DGKG: variants seen among roughly 807,000 people sequenced by gnomAD.
DGKG encodes the protein diacylglycerol kinase gamma, also known as DAG kinase gamma.
Under a neutral mutation model 105.3 loss-of-function variants are expected in DGKG, and 78 were observed. The ratio of observed to expected loss-of-function variants is 0.74; its 90% CI spans 0.62 to 0.89. The LOEUF (loss-of-function observed/expected upper bound fraction) is 0.89, where lower values mean the gene tolerates loss of function less well. DGKG is among the 40% of genes least tolerant of loss of function. The probability of loss-of-function intolerance (pLI) is 0.00; values close to 1 mark genes in which losing one functional copy is unlikely to be tolerated. For missense variants in DGKG, 958 were observed against 1,020.1 expected, an observed-to-expected ratio of 0.94 and a Z score of 0.83; for synonymous variants, 346 against 367.1, an observed-to-expected ratio of 0.94 and a Z score of 0.66.
intron 5 of DGKG, among the ~76,000 whole-genome samples, chr3:186,294,619 A>G (rs1723462065): frequency 6.6e-6 from 1 of 151,976 alleles, no homozygotes; most frequent in African/African-American, 2.4e-5. Context: ...CTGGGAGTTT[A>G]AAATCTCAGA....
At chr3:186,283,367 C>T (rs1391447113) in intron 7 of DGKG, among the ~76,000 whole-genome samples, 1 of 152,104 alleles carries the variant, frequency 6.6e-6, no homozygotes, top group Non-Finnish European at 1.5e-5. Flanking sequence ...AGTGAATCTT[C>T]TAACATCCTA....
At chr3:186,173,242 T>TC (rs1428970741) in intron 22 of DGKG, among the ~76,000 whole-genome samples, 4 of 152,220 alleles carry the variant, frequency 2.6e-5, no homozygotes, top group African/African-American at 4.8e-5. Context: ...CACGAATTTT[T>TC]GGGGGACACA....
intron 20 of DGKG, among the ~76,000 whole-genome samples, chr3:186,230,837 G>T (rs1287440067): frequency 6.6e-6 from 1 of 152,208 alleles, no homozygotes; most frequent in African/African-American, 2.4e-5. Context: ...GAGGCAGAAA[G>T]CTCCCATCTG....
intron 19 of DGKG, among the ~76,000 whole-genome samples, chr3:186,249,317 T>C (rs1470885543): frequency 6.6e-6 from 1 of 152,126 alleles, no homozygotes; most frequent in Non-Finnish European, 1.5e-5. Flanking sequence ...CCAGCAATGC[T>C]TCCCTCTTCT....
intron 17 of DGKG, among the ~76,000 whole-genome samples, chr3:186,254,773 C>T (rs1378150503): frequency 6.6e-6 from 1 of 152,174 alleles, no homozygotes; most frequent in Non-Finnish European, 1.5e-5. Flanking sequence ...TAGTGTGTCA[C>T]CCACACTTTC....
intron 20 of DGKG, among the ~76,000 whole-genome samples, chr3:186,220,274 A>G (rs1361815820): frequency 6.6e-6 from 1 of 152,226 alleles, no homozygotes; most frequent in East Asian, 1.9e-4. Context: ...ATGAATAAAA[A>G]TAGTGCACTA....
At chr3:186,156,072 G>T (rs1578598507) in intron 24 of DGKG, among the ~76,000 whole-genome samples, 1 of 151,950 alleles carries the variant, frequency 6.6e-6, no homozygotes, top group South Asian at 2.1e-4. Flanking sequence ...TTGGGATAGC[G>T]ATTGCAAACA....
chr3:186,204,332 G>C (rs1476323408), intron 21 of DGKG, among the ~76,000 whole-genome samples: 1 of 152,118 alleles, frequency 6.6e-6, no homozygotes, highest in Non-Finnish European at 1.5e-5. Flanking sequence ...CTTGAACTTG[G>C]GAGGCAGAGG....
intron 21 of DGKG, among the ~76,000 whole-genome samples, chr3:186,201,691 G>GA (rs966226718): frequency 1.3e-5 from 2 of 152,144 alleles, no homozygotes; most frequent in African/African-American, 4.8e-5. Flanking sequence ...TAGCTTCCAA[G>GA]AAAAAGGCGG....
chr3:186,260,464 G>A lies in DGKG; in HGVS notation c.1399C>T (p.Leu467=). The A allele has an allele frequency of 6.2e-7, 1 of 1,613,638 alleles. No homozygotes were observed. The highest frequency in any genetic ancestry group is 2.2e-5 in the East Asian group (1 of 44,880). ...CCTGGAGTAGGCCCCCCATTGTCCA[G>A]GTTGAAAACTTGTTTGGGGTTGAGC... The part of the protein sequence containing the change: ...YLLNPKQVFN[L]DNGGPTPGLN... Residue 467 remains leucine, a synonymous_variant, in exon 16 of 25, where the codon CTG becomes TTG. Transcript: ENST00000265022.
chr3:186,323,848 A>G (rs2108643921), intron 1 of DGKG, among the ~76,000 whole-genome samples: 1 of 151,728 alleles, frequency 6.6e-6, no homozygotes, highest in South Asian at 2.1e-4. Flanking sequence ...GAGGCAGAAG[A>G]ATGGTTTGAA....
At chr3:186,326,447 A>ATC (rs60832383) in intron 1 of DGKG, among the ~76,000 whole-genome samples, 5,026 of 138,950 alleles carry the variant, frequency 0.036, 185 homozygotes, top group East Asian at 0.11. Flanking sequence ...CACACCCCTC[A>ATC]TCTCTCTCTC....
intron 20 of DGKG, among the ~76,000 whole-genome samples, chr3:186,234,704 A>T (rs1204427681): frequency 6.6e-6 from 1 of 152,190 alleles, no homozygotes; most frequent in African/African-American, 2.4e-5. Context: ...CCTTGTAGGG[A>T]GGCTTGAGAC....
At chr3:186,275,249 C>A (rs968324788) in intron 10 of DGKG, among the ~76,000 whole-genome samples, 2 of 152,126 alleles carry the variant, frequency 1.3e-5, no homozygotes, top group Admixed American at 1.3e-4. Flanking sequence ...GACTAGAAAA[C>A]CCAACTAAAA....
At chr3:186,242,718 C>T in intron 19 of DGKG, 150 bp from the exon 20 acceptor site, 1 of 590,894 alleles carries the variant, frequency 1.7e-6, no homozygotes, top group Non-Finnish European at 2.9e-6. Flanking sequence ...ATCCGCGGAG[C>T]CAACAGAGGC....
intron 8 of DGKG, among the ~76,000 whole-genome samples, 194 bp downstream of exon 8, chr3:186,280,476 C>T (rs1025798965): frequency 4.6e-5 from 7 of 152,180 alleles, no homozygotes; most frequent in African/African-American, 1.7e-4. Context: ...TCAGTTATGT[C>T]TGCACGTTTT....
intron 5 of DGKG, among the ~76,000 whole-genome samples, chr3:186,296,826 G>A (rs1723587963): frequency 6.6e-6 from 1 of 152,354 alleles, no homozygotes; most frequent in Admixed American, 6.5e-5. Flanking sequence ...AAGCTTAGAT[G>A]AAATGTGTAA....
intron 2 of DGKG, among the ~76,000 whole-genome samples, chr3:186,309,832 C>T (rs1724430862): frequency 1.3e-5 from 2 of 151,990 alleles, no homozygotes; most frequent in Admixed American, 6.6e-5. Flanking sequence ...TTTAAAAATC[C>T]TGCTTTATAT....
rs535024401 is a variant in DGKG, at chr3:186,299,738, C to T, written c.145-1509G>A. 1.1e-4 allele frequency among the ~76,000 whole-genome samples: 16 copies of T among 151,770 alleles called. 1 individual carries two copies. In the South Asian group the frequency reaches 2.9e-3, roughly 28 times the overall value. On this transcript the variant is annotated intron_variant, in intron 3 of 24. Transcript: ENST00000265022. ...ATATACAATAACAAAATCTTTTCTTCCTCCTCTCTTTTCTTTTTTTCTTCT... is the reference window on the plus strand; with the variant it reads ...ATATACAATAACAAAATCTTTTCTTTCTCCTCTCTTTTCTTTTTTTCTTCT...
Sources: allele counts gnomAD v4.1 joint callset (sites outside exome capture counted in the v4.1 genomes callset), GRCh38; gene constraint gnomAD v4.1.1; transcripts MANE v1.5; gene names NCBI Gene and HGNC (gene_info 2026-07-23, HGNC 2026-07-21).